DCC: variants seen among roughly 807,000 people sequenced by gnomAD.
DCC encodes the protein netrin receptor DCC.
Under a neutral mutation model 172.5 loss-of-function variants are expected in DCC, and 58 were observed. The observed-to-expected ratio is 0.34, with a 90% CI of 0.27 to 0.42. The LOEUF is 0.42. DCC is among the 10% of genes least tolerant of loss of function. The probability of loss-of-function intolerance (pLI) is 1.00; values close to 1 mark genes in which losing one functional copy is unlikely to be tolerated. For missense variants in DCC, 1,740 were observed against 1,791.0 expected, an observed-to-expected ratio of 0.97 and a Z score of 0.51; for synonymous variants, 709 against 644.5, an observed-to-expected ratio of 1.10 and a Z score of -1.52.
chr18:53,203,060 G>T (rs1156248509), intron 9 of DCC, among the ~76,000 whole-genome samples: 2 of 151,996 alleles, frequency 1.3e-5, no homozygotes, highest in Non-Finnish European at 2.9e-5. Flanking sequence ...TTAGATAAAA[G>T]TATTGTGTTA....
At chr18:53,188,286 A>G (rs1450237716) in intron 9 of DCC, among the ~76,000 whole-genome samples, 1 of 152,218 alleles carries the variant, frequency 6.6e-6, no homozygotes, top group Non-Finnish European at 1.5e-5. Context: ...AAGTACAGGC[A>G]TGCTTATCCT....
At chr18:53,019,091 C>T (rs552961379) in intron 5 of DCC, among the ~76,000 whole-genome samples, 2 of 152,192 alleles carry the variant, frequency 1.3e-5, no homozygotes, top group Admixed American at 1.3e-4. Flanking sequence ...CTGACTGGGG[C>T]CAATGCTGTC....
chr18:52,603,515 A>G (rs1350762132), intron 1 of DCC, among the ~76,000 whole-genome samples: 1 of 152,020 alleles, frequency 6.6e-6, no homozygotes, highest in Non-Finnish European at 1.5e-5. Flanking sequence ...AAAGCAAAAT[A>G]AAAGTTTAAC....
intron 3 of DCC, among the ~76,000 whole-genome samples, chr18:52,910,578 TGAATG>T (rs2039958077): frequency 6.6e-6 from 1 of 152,154 alleles, no homozygotes; most frequent in Admixed American, 6.6e-5. Context: ...GAACATGTGA[TGAATG>T]GAAGCAGCCA....
chr18:53,278,840 G>A (rs1274165971), intron 12 of DCC, among the ~76,000 whole-genome samples: 1 of 152,122 alleles, frequency 6.6e-6, no homozygotes, highest in Admixed American at 6.6e-5. Flanking sequence ...GAGAAGGTGA[G>A]GCACAGAGAG....
intron 1 of DCC, among the ~76,000 whole-genome samples, chr18:52,578,466 T>C (rs1449048243): frequency 6.6e-6 from 1 of 152,234 alleles, no homozygotes; most frequent in African/African-American, 2.4e-5. Flanking sequence ...CATTTAGGTG[T>C]TGTTTTTAAT....
In DCC at chr18:53,339,768, C is replaced by T; in HGVS notation, c.2220C>T (p.Cys740=). 6.2e-7 allele frequency: 1 copy of T among 1,613,934 alleles called. No individual in the cohort carries two copies. Among genetic ancestry groups the T allele is most frequent in the Non-Finnish European group, 8.5e-7 (1 of 1,179,918 alleles). ...SSLHVRPQTN[C]IIMSWTPPLN... is the part of the protein sequence containing the mutation. ...TTCATGTGAGGCCCCAGACTAACTG[C>T]ATCATCATGAGTTGGACTCCTCCCT... The change falls in exon 15 of 29, where the codon TGC becomes TGT. Residue 740 remains cysteine (C), a synonymous_variant. Transcript: ENST00000442544.
intron 5 of DCC, among the ~76,000 whole-genome samples, chr18:53,024,162 C>T (rs950598829): frequency 3.3e-5 from 5 of 152,144 alleles, no homozygotes; most frequent in African/African-American, 4.8e-5. Context: ...TAGCTCAGGA[C>T]GTTTAACTTT....
intron 1 of DCC, among the ~76,000 whole-genome samples, chr18:52,642,079 T>TAC (rs200347229): frequency 4.0e-5 from 4 of 100,594 alleles, no homozygotes; most frequent in African/African-American, 1.5e-4. Flanking sequence ...TATATATATA[T>TAC]ACACACACAC....
At chr18:52,915,215 C>T (rs1440037047) in intron 3 of DCC, among the ~76,000 whole-genome samples, 1 of 151,950 alleles carries the variant, frequency 6.6e-6, no homozygotes, top group Non-Finnish European at 1.5e-5. Flanking sequence ...GGGAAATGGC[C>T]CTGTTAAAGG....
intron 7 of DCC, among the ~76,000 whole-genome samples, chr18:53,134,578 C>G (rs2043710312): frequency 6.6e-6 from 1 of 152,058 alleles, no homozygotes; most frequent in Admixed American, 6.6e-5. Flanking sequence ...TTTTTATGTA[C>G]AAATATAGCT....
chr18:53,263,205 G>A (rs1598961418), intron 12 of DCC, among the ~76,000 whole-genome samples: 1 of 152,190 alleles, frequency 6.6e-6, no homozygotes, highest in Non-Finnish European at 1.5e-5. Context: ...GAGCTGGAGT[G>A]CAGTGGTGTG....
At chr18:53,406,438 C>T (rs1476829022) in intron 19 of DCC, among the ~76,000 whole-genome samples, 8 of 150,972 alleles carry the variant, frequency 5.3e-5, no homozygotes, top group African/African-American at 1.5e-4. Flanking sequence ...GGCGTAGTAG[C>T]TCACGCCTGT....
At chr18:53,475,664 T>A (rs570986762) in intron 25 of DCC, among the ~76,000 whole-genome samples, 1 of 152,292 alleles carries the variant, frequency 6.6e-6, no homozygotes, top group South Asian at 2.1e-4. Flanking sequence ...CAGGCAGAAG[T>A]TTGCTGCAGG....
intron 5 of DCC, among the ~76,000 whole-genome samples, chr18:53,003,879 C>T (rs1462145078): frequency 2.0e-5 from 3 of 152,090 alleles, no homozygotes; most frequent in Non-Finnish European, 4.4e-5. Context: ...TGTCTGGCTT[C>T]ATTTTAATGT....
intron 7 of DCC, among the ~76,000 whole-genome samples, chr18:53,112,034 G>C (rs2043340607): frequency 6.6e-6 from 1 of 151,408 alleles, no homozygotes; most frequent in South Asian, 2.1e-4. Flanking sequence ...TTTCACGATT[G>C]CTTTTGAGCT....
chr18:52,766,995 A>T (rs943921600), intron 2 of DCC, among the ~76,000 whole-genome samples: 3 of 151,860 alleles, frequency 2.0e-5, no homozygotes, highest in African/African-American at 7.3e-5. Flanking sequence ...AGGAAGAGAG[A>T]ATCCCCATGA....
At chr18:53,064,322 G>A (rs764798222) in intron 6 of DCC, among the ~76,000 whole-genome samples, 2 of 152,096 alleles carry the variant, frequency 1.3e-5, no homozygotes, top group Non-Finnish European at 2.9e-5. Flanking sequence ...CTGATTTTAG[G>A]TATATGAATA....
chr18:52,941,735 AC>A (rs1275980117), intron 5 of DCC, among the ~76,000 whole-genome samples: 2 of 152,102 alleles, frequency 1.3e-5, no homozygotes, highest in Admixed American at 1.3e-4. Context: ...TCACTGTACT[AC>A]TTACATGTAG....
Sources: gnomAD v4.1 joint callset for allele counts (sites outside exome capture counted in the v4.1 genomes callset) on GRCh38, gnomAD v4.1.1 for gene constraint, MANE v1.5 for transcripts, NCBI Gene and HGNC (gene_info 2026-07-23, HGNC 2026-07-21) for gene names.